The following SCAPER variants were observed in gnomAD, a reference collection of about 807,000 sequenced individuals.
The protein encoded by SCAPER is S phase cyclin A-associated protein in the endoplasmic reticulum.
In SCAPER, 98 loss-of-function variants were observed where a neutral mutation model predicts 182.2. That is an observed-to-expected ratio of 0.54 (90% CI 0.46 to 0.64). The LOEUF (loss-of-function observed/expected upper bound fraction) is 0.64, where lower values mean the gene tolerates loss of function less well. SCAPER is among the 30% of genes least tolerant of loss of function. SCAPER has a pLI of 0.00. For synonymous variants in SCAPER, 605 were observed against 564.6 expected, an observed-to-expected ratio of 1.07 and a Z score of -1.01; for missense variants, 1,432 against 1,690.0, an observed-to-expected ratio of 0.85 and a Z score of 2.68.
intron 24 of SCAPER, among the ~76,000 whole-genome samples, chr15:76,501,871 A>G (rs772061518): frequency 8.5e-5 from 13 of 152,228 alleles, no homozygotes; most frequent in Non-Finnish European, 1.5e-4. Context: ...GAAAATGAGA[A>G]AGAGTATTTT....
At chr15:76,398,032 A>G (rs1181302275) in intron 27 of SCAPER, among the ~76,000 whole-genome samples, 2 of 152,160 alleles carry the variant, frequency 1.3e-5, no homozygotes, top group East Asian at 1.9e-4. Flanking sequence ...ACCACCATAT[A>G]TATCTCAAAG....
chr15:76,580,285 C>T (rs140543545), intron 22 of SCAPER, among the ~76,000 whole-genome samples: 216 of 152,204 alleles, frequency 1.4e-3, no homozygotes, highest in African/African-American at 5.1e-3. Flanking sequence ...CAAAATAAGT[C>T]TTAAAAAATT....
chr15:76,587,123 CT>C (rs1034889345), intron 22 of SCAPER, among the ~76,000 whole-genome samples: 31 of 151,974 alleles, frequency 2.0e-4, no homozygotes, highest in Non-Finnish European at 4.4e-5. Context: ...CTTGAATGAT[CT>C]TTTGTATTTC....
At chr15:76,884,448 T>A (rs2073737638) in intron 1 of SCAPER, among the ~76,000 whole-genome samples, 1 of 152,198 alleles carries the variant, frequency 6.6e-6, no homozygotes, top group Non-Finnish European at 1.5e-5. Flanking sequence ...CTATTTAATG[T>A]GGCCACACTT....
chr15:76,516,521 T>C (rs1316199847), intron 23 of SCAPER, among the ~76,000 whole-genome samples: 1 of 152,326 alleles, frequency 6.6e-6, no homozygotes, highest in Non-Finnish European at 1.5e-5. Context: ...GCTTCATCCA[T>C]GTCTCTGTAA....
chr15:76,647,740 A>G (rs1221216887), intron 21 of SCAPER, among the ~76,000 whole-genome samples: 1 of 152,224 alleles, frequency 6.6e-6, no homozygotes, highest in Non-Finnish European at 1.5e-5. Context: ...CTGAACAAGA[A>G]CAATTACTGG....
intron 20 of SCAPER, among the ~76,000 whole-genome samples, chr15:76,678,479 C>T (rs1479046757): frequency 2.0e-5 from 3 of 152,008 alleles, no homozygotes; most frequent in Non-Finnish European, 4.4e-5. Context: ...CCCAGCACGA[C>T]AACAAATAAG....
chr15:76,900,391 C>CA (rs886789796), intron 1 of SCAPER, among the ~76,000 whole-genome samples: 77 of 127,752 alleles, frequency 6.0e-4, no homozygotes, highest in African/African-American at 1.1e-3. Context: ...TACATACATA[C>CA]AAAAAAAAAT....
intron 2 of SCAPER, among the ~76,000 whole-genome samples, chr15:76,864,300 T>C (rs1252066747): frequency 1.3e-5 from 2 of 152,256 alleles, no homozygotes; most frequent in Non-Finnish European, 2.9e-5. Flanking sequence ...CTACAACTTA[T>C]TTACTTATCT....
At chr15:76,469,306 TC>T (rs200684652) in intron 25 of SCAPER, among the ~76,000 whole-genome samples, 13 of 150,948 alleles carry the variant, frequency 8.6e-5, no homozygotes, top group African/African-American at 2.7e-4. Flanking sequence ...TTATTTTTTT[TC>T]ATTCTTGTTT....
At chr15:76,372,954 A>G (rs149862887) in intron 29 of SCAPER, among the ~76,000 whole-genome samples, 168 of 152,322 alleles carry the variant, frequency 1.1e-3, no homozygotes, top group African/African-American at 3.8e-3. Flanking sequence ...AACAGTGGCT[A>G]TCTCAGATAG....
intron 22 of SCAPER, 112 bp from the exon 23 acceptor site, chr15:76,574,396 TCA>T (rs2047670496): frequency 8.1e-7 from 1 of 1,232,160 alleles, no homozygotes; most frequent in South Asian, 1.5e-5. Context: ...TGAAAATGCT[TCA>T]CAGAGCATCT....
intron 25 of SCAPER, among the ~76,000 whole-genome samples, chr15:76,458,363 T>C (rs1031254889): frequency 2.0e-4 from 30 of 151,942 alleles, no homozygotes; most frequent in African/African-American, 7.3e-4. Context: ...ATTTTGAAAG[T>C]GTATATATAC....
At chr15:76,895,872 C>G (rs1042085679) in intron 1 of SCAPER, among the ~76,000 whole-genome samples, 4 of 151,956 alleles carry the variant, frequency 2.6e-5, no homozygotes, top group Non-Finnish European at 2.9e-5. Context: ...AACCCCATCT[C>G]TACTAAAAAT....
chr15:76,434,727 AT>A (rs2047084399), intron 25 of SCAPER, among the ~76,000 whole-genome samples: 1 of 152,250 alleles, frequency 6.6e-6, no homozygotes, highest in African/African-American at 2.4e-5. Context: ...TATTAAAAAA[AT>A]CTAACCTGAA....
chr15:76,539,797 G>A (rs189033312), intron 23 of SCAPER, among the ~76,000 whole-genome samples: 48 of 152,042 alleles, frequency 3.2e-4, no homozygotes, highest in East Asian at 1.2e-3. Context: ...TGCCCGCCTC[G>A]GCCTTCCAAA....
intron 21 of SCAPER, among the ~76,000 whole-genome samples, chr15:76,652,256 T>TAA (rs1160100739): frequency 0.015 from 84 of 5,650 alleles, 12 homozygotes; most frequent in East Asian, 0.062. Context: ...GTGTCTCTGC[T>TAA]AAAAAAAAAA....
intron 24 of SCAPER, chr15:76,472,446 A>C (rs1188077248): frequency 1.8e-6 from 1 of 558,168 alleles, no homozygotes; most frequent in Non-Finnish European, 3.3e-6. Context: ...TTTTATAAAA[A>C]TGCAAAATTT....
chr15:76,532,366 CCTTTT>C (rs2043751984), intron 23 of SCAPER, among the ~76,000 whole-genome samples: 1 of 150,700 alleles, frequency 6.6e-6, no homozygotes, highest in Non-Finnish European at 1.5e-5. Context: ...CCCTTCCCTT[CCTTTT>C]GTTCGTTCAT....
Sources: allele counts gnomAD v4.1 joint callset (sites outside exome capture counted in the v4.1 genomes callset), GRCh38; gene constraint gnomAD v4.1.1; transcripts MANE v1.5; gene names NCBI Gene and HGNC (gene_info 2026-07-23, HGNC 2026-07-21).